PHF14: variants seen among roughly 807,000 people sequenced by gnomAD.
The protein encoded by PHF14 is PHD finger protein 14.
In PHF14, 55 loss-of-function variants were observed where a neutral mutation model predicts 117.9. The ratio of observed to expected loss-of-function variants is 0.47; its 90% CI spans 0.38 to 0.58. The LOEUF (loss-of-function observed/expected upper bound fraction) is 0.58, where lower values mean the gene tolerates loss of function less well. PHF14 is among the 20% of genes least tolerant of loss of function. PHF14 has a pLI of 0.00. For synonymous variants in PHF14, 409 were observed against 368.6 expected, an observed-to-expected ratio of 1.11 and a Z score of -1.26; for missense variants, 978 against 1,122.2, an observed-to-expected ratio of 0.87 and a Z score of 1.84.
At chr7:11,145,965 T>C (rs1226680246) in intron 17 of PHF14, among the ~76,000 whole-genome samples, 6 of 152,082 alleles carry the variant, frequency 3.9e-5, no homozygotes, top group African/African-American at 1.2e-4. Flanking sequence ...CAGATAACTC[T>C]TGAATATGTT....
chr7:11,159,570 A>G (rs2128356485), intron 17 of PHF14, among the ~76,000 whole-genome samples: 1 of 152,204 alleles, frequency 6.6e-6, no homozygotes, highest in East Asian at 1.9e-4. Context: ...TGATTACCAC[A>G]ATAGAAAAGT....
At chr7:11,047,868 A>G (rs1489559780) in intron 13 of PHF14, among the ~76,000 whole-genome samples, 21 of 121,982 alleles carry the variant, frequency 1.7e-4, no homozygotes, top group South Asian at 3.5e-4. Flanking sequence ...GGCGGGAAAA[A>G]GAGAGGAAGG....
chr7:11,083,305 A>G (rs930563870), intron 16 of PHF14, among the ~76,000 whole-genome samples: 1 of 152,056 alleles, frequency 6.6e-6, no homozygotes, highest in Non-Finnish European at 1.5e-5. Flanking sequence ...TATTTCTGAC[A>G]TTCTGGAATT....
At chr7:10,975,035 A>G (rs1311813574) in intron 2 of PHF14, 90 bp downstream of exon 2, 15 of 717,704 alleles carry the variant, frequency 2.1e-5, no homozygotes, top group Non-Finnish European at 3.4e-5. Flanking sequence ...TTAAAATGCC[A>G]ATTTTAAGTG....
intron 17 of PHF14, among the ~76,000 whole-genome samples, chr7:11,160,918 T>C (rs1789005838): frequency 6.6e-6 from 1 of 152,170 alleles, no homozygotes; most frequent in Non-Finnish European, 1.5e-5. Context: ...TTGAGTTTAA[T>C]TAGGTTCCAT....
chr7:11,147,754 A>G (rs1440894936), intron 17 of PHF14, among the ~76,000 whole-genome samples: 2 of 152,222 alleles, frequency 1.3e-5, no homozygotes, highest in African/African-American at 4.8e-5. Flanking sequence ...CTCTATTTGT[A>G]TGTCCCTGAG....
intron 16 of PHF14, among the ~76,000 whole-genome samples, chr7:11,094,319 T>C (rs376254780): frequency 3.9e-5 from 6 of 152,220 alleles, no homozygotes; most frequent in South Asian, 4.1e-4. Flanking sequence ...TCAGCAAGGC[T>C]GGTTTCTTCT....
chr7:11,121,332 C>T (rs1249778578), intron 17 of PHF14, among the ~76,000 whole-genome samples: 2 of 152,166 alleles, frequency 1.3e-5, no homozygotes, highest in African/African-American at 4.8e-5. Flanking sequence ...TATGTGCCAT[C>T]AATATGCCTT....
At chr7:11,053,274 G>A (rs972282287) in intron 14 of PHF14, among the ~76,000 whole-genome samples, 2 of 151,930 alleles carry the variant, frequency 1.3e-5, no homozygotes, top group African/African-American at 4.8e-5. Context: ...AATCAGTTTT[G>A]TGTTATGGGG....
rs144641599 is a variant in PHF14 at position 11,018,560 on chromosome 7, C to G, written c.1206-4308C>G. Among the ~76,000 whole-genome samples the G allele has an allele frequency of 4.3e-3, 649 of 152,182 alleles. 5 individuals are homozygous for G. Among genetic ancestry groups the G allele is most frequent in the Non-Finnish European group, 7.0e-3 (478 of 67,988 alleles). On this transcript the variant is annotated intron_variant, in intron 5 of 17. Coordinates refer to ENST00000634607, the MANE Select transcript of PHF14 (RefSeq NM_001007157.2). ...TTTTTCAGATTATTCACTGTTGTCA[C>G]GTAGACATGCTCCTGATTTTTGTAT...
intron 2 of PHF14, among the ~76,000 whole-genome samples, chr7:10,981,876 G>T (rs1489101915): frequency 2.6e-5 from 4 of 151,932 alleles, no homozygotes; most frequent in Admixed American, 2.6e-4. Flanking sequence ...TATTTTACTG[G>T]GTAAAGAGTA....
chr7:11,121,415 CT>C (rs1562475859), intron 17 of PHF14, among the ~76,000 whole-genome samples: 1 of 152,158 alleles, frequency 6.6e-6, no homozygotes, highest in African/African-American at 2.4e-5. Flanking sequence ...GCTACTAATT[CT>C]TTTCTTTTAG....
At chr7:11,122,352 T>TATACACACAC in intron 17 of PHF14, among the ~76,000 whole-genome samples, 2 of 65,868 alleles carry the variant, frequency 3.0e-5, no homozygotes, top group South Asian at 1.0e-3. Flanking sequence ...TATATATATA[T>TATACACACAC]ACACACACAC....
chr7:11,078,281 T>A (rs34295894), intron 16 of PHF14, among the ~76,000 whole-genome samples: 56,661 of 151,906 alleles, frequency 0.37, 11,084 homozygotes, highest in East Asian at 0.74. Flanking sequence ...GCCTCTTTTC[T>A]GGGCAGTGAT....
chr7:11,044,384 C>T (rs1784599815), intron 13 of PHF14, among the ~76,000 whole-genome samples: 1 of 152,014 alleles, frequency 6.6e-6, no homozygotes, highest in Admixed American at 6.6e-5. Flanking sequence ...GAGAGCACTT[C>T]TAAAAGGGCG....
intron 6 of PHF14, 151 bp downstream of exon 6, chr7:11,023,130 C>T (rs114841950): frequency 0.013 from 1,988 of 155,314 alleles, 43 homozygotes; most frequent in African/African-American, 0.045. Context: ...TAGTAGTTTT[C>T]CTAGAAAGCC....
Position 11,051,657 on chromosome 7 carries a change from A to G in PHF14, c.2358A>G (p.Ala786=), listed in dbSNP as rs776864218. Residue 786 remains alanine (A), a synonymous_variant, in exon 14 of 18, where the codon GCA becomes GCG. Coordinates refer to ENST00000634607, the MANE Select transcript of PHF14 (RefSeq NM_001007157.2). The part of the protein sequence containing the change: ...CDQAGSSDME[A]DMAMETLPDG... ...AGGCAGGGAGCAGTGACATGGAAGC[A>G]GATATGGCCATGGAAACCCTACCAG... 6.2e-7 allele frequency: 1 copy of G among 1,613,616 alleles called. No homozygotes were observed. The highest frequency in any genetic ancestry group is 8.5e-7 in the Non-Finnish European group (1 of 1,179,682).
intron 17 of PHF14, among the ~76,000 whole-genome samples, chr7:11,124,777 G>T (rs1048236216): frequency 1.3e-5 from 2 of 151,962 alleles, no homozygotes; most frequent in Admixed American, 6.6e-5. Flanking sequence ...TATTGTAAGA[G>T]ATTCTCAAAT....
At chr7:11,122,352 T>TATATATATATATATATACACACACACAC in intron 17 of PHF14, among the ~76,000 whole-genome samples, 17 of 65,852 alleles carry the variant, frequency 2.6e-4, no homozygotes, top group East Asian at 1.2e-3. Context: ...TATATATATA[T>TATATATATATATATATACACACACACAC]ACACACACAC....
Sources: gnomAD v4.1 joint callset for allele counts (sites outside exome capture counted in the v4.1 genomes callset) on GRCh38, gnomAD v4.1.1 for gene constraint, MANE v1.5 for transcripts, NCBI Gene and HGNC (gene_info 2026-07-23, HGNC 2026-07-21) for gene names.